The following CHRNA7 variants were observed in gnomAD, a reference collection of about 807,000 sequenced individuals.
The protein encoded by CHRNA7 is cholinergic receptor nicotinic alpha 7 subunit.
Under a neutral mutation model 48.0 loss-of-function variants are expected in CHRNA7, and 17 were observed. That is an observed-to-expected ratio of 0.35 (90% CI 0.24 to 0.53). The LOEUF (loss-of-function observed/expected upper bound fraction) is 0.53, where lower values mean the gene tolerates loss of function less well. Ranked by LOEUF, CHRNA7 falls within the 20% of genes least tolerant of loss-of-function variation. CHRNA7 has a pLI of 0.92. For missense variants in CHRNA7, 155 were observed against 577.7 expected, an observed-to-expected ratio of 0.27 and a Z score of 7.50; for synonymous variants, 75 against 242.3, an observed-to-expected ratio of 0.31 and a Z score of 6.41.
At chr15:32,059,468 A>G (rs976679112) in intron 2 of CHRNA7, among the ~76,000 whole-genome samples, 1 of 152,012 alleles carries the variant, frequency 6.6e-6, no homozygotes, top group Non-Finnish European at 1.5e-5. Context: ...TGGCTCCTGC[A>G]TTGTTTTGCT....
chr15:32,062,828 C>T (rs1186792243), intron 2 of CHRNA7, among the ~76,000 whole-genome samples: 1 of 152,094 alleles, frequency 6.6e-6, no homozygotes, highest in Non-Finnish European at 1.5e-5. Flanking sequence ...GATGAGGATG[C>T]GTTCTGAGAA....
intron 4 of CHRNA7, 126 bp downstream of exon 4, chr15:32,112,025 A>G (rs947892840): frequency 1.7e-5 from 12 of 708,648 alleles, no homozygotes; most frequent in Admixed American, 1.5e-4. Context: ...TGCTCCCTAC[A>G]CGGCTTTCCG....
At chr15:32,112,237 C>T (rs1454964594) in intron 4 of CHRNA7, 1 of 476,908 alleles carries the variant, frequency 2.1e-6, no homozygotes, top group South Asian at 1.5e-5. Context: ...TGAATGGCAG[C>T]AGTTATGACC....
chr15:32,073,716 G>C (rs72713566), intron 2 of CHRNA7, among the ~76,000 whole-genome samples: 2 of 152,022 alleles, frequency 1.3e-5, no homozygotes, highest in South Asian at 4.2e-4. Flanking sequence ...CAAGAACTGG[G>C]TGTTTAAAAG....
chr15:32,080,152 A>T (rs1478444586), intron 2 of CHRNA7, among the ~76,000 whole-genome samples: 1 of 152,234 alleles, frequency 6.6e-6, no homozygotes, highest in Non-Finnish European at 1.5e-5. Context: ...ATATTAACTC[A>T]GGGTGGATTA....
intron 4 of CHRNA7, among the ~76,000 whole-genome samples, chr15:32,135,658 C>T (rs1166364854): frequency 6.6e-6 from 1 of 151,960 alleles, no homozygotes; most frequent in Non-Finnish European, 1.5e-5. Flanking sequence ...GAAGCCATGT[C>T]CCAAAAGAAC....
At chr15:32,039,423 CT>C (rs1161587819) in intron 2 of CHRNA7, among the ~76,000 whole-genome samples, 3 of 152,100 alleles carry the variant, frequency 2.0e-5, no homozygotes, top group African/African-American at 7.2e-5. Flanking sequence ...TTAAGGACTT[CT>C]TTTGCTGCAT....
intron 4 of CHRNA7, among the ~76,000 whole-genome samples, chr15:32,128,931 C>G (rs887539797): frequency 2.0e-5 from 3 of 151,816 alleles, no homozygotes; most frequent in African/African-American, 7.2e-5. Flanking sequence ...GGAAGTTTCC[C>G]TCTATTCCAG....
At chr15:32,064,495 G>A (rs2049932690) in intron 2 of CHRNA7, among the ~76,000 whole-genome samples, 1 of 151,174 alleles carries the variant, frequency 6.6e-6, no homozygotes, top group Non-Finnish European at 1.5e-5. Flanking sequence ...GTGTGTGTAT[G>A]TGTGTGTATG....
chr15:32,117,407 T>C (rs1440335828), intron 4 of CHRNA7, among the ~76,000 whole-genome samples: 1 of 152,192 alleles, frequency 6.6e-6, no homozygotes, highest in Non-Finnish European at 1.5e-5. Flanking sequence ...AGTAGGCAGC[T>C]GTCAGGGCCT....
At chr15:32,077,132 C>CT (rs879870865) in intron 2 of CHRNA7, among the ~76,000 whole-genome samples, 142 of 145,090 alleles carry the variant, frequency 9.8e-4, no homozygotes, top group Middle Eastern at 3.5e-3. Flanking sequence ...CTTGATAGCT[C>CT]TTTTTTTTTT....
chr15:32,045,682 T>C (rs560761389), intron 2 of CHRNA7, among the ~76,000 whole-genome samples: 42 of 151,996 alleles, frequency 2.8e-4, no homozygotes, highest in Middle Eastern at 3.4e-3. Flanking sequence ...TATTTTTTTT[T>C]AATATTTTAA....
At chr15:32,061,659 T>G (rs2049880912) in intron 2 of CHRNA7, among the ~76,000 whole-genome samples, 1 of 152,100 alleles carries the variant, frequency 6.6e-6, no homozygotes, top group Admixed American at 6.5e-5. Context: ...AATATAGAGA[T>G]TAGCCGGGCG....
At chr15:32,122,093 T>C (rs2050980654) in intron 4 of CHRNA7, among the ~76,000 whole-genome samples, 1 of 152,212 alleles carries the variant, frequency 6.6e-6, no homozygotes, top group South Asian at 2.1e-4. Context: ...GTGAGCTCCT[T>C]GGGAGCAACC....
intron 4 of CHRNA7, among the ~76,000 whole-genome samples, chr15:32,128,340 G>T (rs1022792384): frequency 1.3e-5 from 2 of 151,908 alleles, no homozygotes; most frequent in African/African-American, 4.8e-5. Context: ...CTCTTGCTGG[G>T]TTTTTAATGG....
chr15:32,099,595 A>G (rs2050536276), intron 2 of CHRNA7: 1 of 152,274 alleles, frequency 6.6e-6, no homozygotes, highest in Non-Finnish European at 1.5e-5. Flanking sequence ...AGATGAAGAC[A>G]CAAATGCAAT....
At chr15:32,135,642 T>C (rs1490174760) in intron 4 of CHRNA7, among the ~76,000 whole-genome samples, 1 of 152,146 alleles carries the variant, frequency 6.6e-6, no homozygotes, top group Non-Finnish European at 1.5e-5. Context: ...ATGATTTTTT[T>C]CAACAGAAGC....
rs188090394 is a variant in CHRNA7 at position 32,055,840 on chromosome 15, G to A, written c.195+24803G>A. ...TAAAAATACAAAAAATTAGCCGGGC[G>A]TGGTAGCAGGCGCCTGTAGTCCCAG... On this transcript the variant is annotated intron_variant, in intron 2 of 9. Coordinates refer to ENST00000306901, the MANE Select transcript of CHRNA7 (RefSeq NM_000746.6). 8.5e-4 allele frequency among the ~76,000 whole-genome samples: 129 copies of A among 152,196 alleles called. 3 individuals carry two copies. Among genetic ancestry groups the A allele is most frequent in the African/African-American group, 2.9e-3 (122 of 41,538 alleles).
At chr15:32,098,892 A>ACACACG (rs2050520931) in intron 2 of CHRNA7, 1 of 154,292 alleles carries the variant, frequency 6.5e-6, no homozygotes, top group Admixed American at 6.6e-5. Context: ...ACACACACAC[A>ACACACG]CACACACACA....
Sources: gnomAD v4.1 joint callset for allele counts (sites outside exome capture counted in the v4.1 genomes callset) on GRCh38, gnomAD v4.1.1 for gene constraint, MANE v1.5 for transcripts, NCBI Gene and HGNC (gene_info 2026-07-23, HGNC 2026-07-21) for gene names.